The following CHLSN variants were observed in gnomAD, a reference collection of about 807,000 sequenced individuals.
CHLSN encodes the protein cholesin.
chr7:1,130,877 A>G, the CHLSN span, among the ~76,000 whole-genome samples: 1 of 152,168 alleles, frequency 6.6e-6, no homozygotes. Context: ...AACACCCAGA[A>G]AGCCAGATCC....
the CHLSN span, chr7:985,306 G>C: frequency 6.4e-7 from 1 of 1,551,088 alleles, no homozygotes; most frequent in African/African-American, 1.4e-5. Flanking sequence ...GGTCCTCTTG[G>C]GGTCCCCTGG....
At chr7:1,136,337 T>C in the CHLSN span, among the ~76,000 whole-genome samples, 1 of 105,086 alleles carries the variant, frequency 9.5e-6, no homozygotes, top group Non-Finnish European at 1.7e-5. Context: ...TATAAATATA[T>C]AAACATATAA....
At chr7:1,031,376 G>T in the CHLSN span, among the ~76,000 whole-genome samples, 1,084 of 149,094 alleles carry the variant, frequency 7.3e-3, 2 homozygotes, top group East Asian at 0.11. Context: ...GACCTGCAGG[G>T]AGGGCAGAGT....
chr7:1,004,376 GAC>G, the CHLSN span, among the ~76,000 whole-genome samples: 2 of 152,162 alleles, frequency 1.3e-5, no homozygotes, highest in African/African-American at 4.8e-5. Flanking sequence ...GTGGAGTGGT[GAC>G]CCCACTTCAC....
the CHLSN span, chr7:1,091,533 T>G: frequency 5.3e-6 from 3 of 567,438 alleles, no homozygotes; most frequent in Non-Finnish European, 9.4e-6. Context: ...GTGAGGAGCA[T>G]CTGTTCTTCC....
At chr7:1,060,188 C>T in the CHLSN span, among the ~76,000 whole-genome samples, 1 of 152,204 alleles carries the variant, frequency 6.6e-6, no homozygotes, top group East Asian at 1.9e-4. Context: ...ACCATCTGTT[C>T]GCCTCTCCCC....
the CHLSN span, among the ~76,000 whole-genome samples, chr7:1,124,217 C>T: frequency 1.3e-5 from 2 of 151,928 alleles, no homozygotes; most frequent in South Asian, 2.1e-4. Context: ...GGACAGACAC[C>T]ACTCCCTCAC....
chr7:1,092,115 G>C, the CHLSN span: 1 of 1,613,730 alleles, frequency 6.2e-7, no homozygotes, highest in South Asian at 1.1e-5. Context: ...TCGCCGTCCT[G>C]TGCACCTTCA....
the CHLSN span, among the ~76,000 whole-genome samples, chr7:1,121,709 T>C: frequency 6.6e-6 from 1 of 152,192 alleles, no homozygotes; most frequent in Non-Finnish European, 1.5e-5. Context: ...GCCAAGACCA[T>C]GAAACACCCA....
At chr7:988,259 C>G in the CHLSN span, 1 of 1,562,200 alleles carries the variant, frequency 6.4e-7, no homozygotes, top group Non-Finnish European at 8.7e-7. Flanking sequence ...TCTCTCTGTG[C>G]CCCGGCTGCC....
At chr7:1,059,943 C>CAGGTCTTAGTGGGGCGGGTCT in the CHLSN span, among the ~76,000 whole-genome samples, 1 of 41,036 alleles carries the variant, frequency 2.4e-5, no homozygotes, top group Non-Finnish European at 4.6e-5. Context: ...GGGGCGGGTC[C>CAGGTCTTAGTGGGGCGGGTCT]GTAATGAGGC....
At chr7:1,028,392 G>A in the CHLSN span, 1 of 987,382 alleles carries the variant, frequency 1.0e-6, no homozygotes, top group Non-Finnish European at 1.2e-6. Flanking sequence ...GGCCCGGCGC[G>A]GCTGGAACCA....
chr7:1,037,703 G>T, the CHLSN span, among the ~76,000 whole-genome samples: 1 of 93,634 alleles, frequency 1.1e-5, no homozygotes, highest in African/African-American at 4.2e-5. Context: ...CTGCCTGGCC[G>T]CCCATCGTCT....
the CHLSN span, among the ~76,000 whole-genome samples, chr7:1,043,188 T>C: frequency 6.6e-6 from 1 of 152,032 alleles, no homozygotes; most frequent in Non-Finnish European, 1.5e-5. Context: ...ATCGTGTCAT[T>C]GCACTCCAGC....
At chr7:1,033,946 C>T in the CHLSN span, among the ~76,000 whole-genome samples, 3 of 152,238 alleles carry the variant, frequency 2.0e-5, no homozygotes, top group African/African-American at 7.2e-5. Context: ...CACTGCTATC[C>T]AGCATCAGGC....
At chr7:1,040,796 G>A in the CHLSN span, among the ~76,000 whole-genome samples, 2 of 152,092 alleles carry the variant, frequency 1.3e-5, no homozygotes, top group African/African-American at 4.8e-5. Context: ...GCTATGGACT[G>A]GGACAAAATA....
chr7:1,058,625 G>C, the CHLSN span: 1 of 621,172 alleles, frequency 1.6e-6, no homozygotes, highest in East Asian at 2.7e-5. Context: ...TGGAAGAGAA[G>C]CAGGAGGGGT....
chr7:1,000,932 G>A, the CHLSN span, among the ~76,000 whole-genome samples: 462 of 152,340 alleles, frequency 3.0e-3, 3 homozygotes, highest in African/African-American at 0.011. Flanking sequence ...TTTTCTACAT[G>A]AAAATGGGAA....
the CHLSN span, among the ~76,000 whole-genome samples, chr7:1,011,483 A>C: frequency 4.8e-4 from 68 of 141,916 alleles, no homozygotes; most frequent in African/African-American, 1.7e-3. Context: ...ACACCCAGAC[A>C]CACCTTCACA....
Sources: gnomAD v4.1 joint callset for allele counts (sites outside exome capture counted in the v4.1 genomes callset) on GRCh38, gnomAD v4.1.1 for gene constraint, MANE v1.5 for transcripts, NCBI Gene and HGNC (gene_info 2026-07-23, HGNC 2026-07-21) for gene names.